The following CFAP47 variants were observed in gnomAD, a reference collection of about 807,000 sequenced individuals.
CFAP47 encodes cilia- and flagella-associated protein 47.
CFAP47 carries 29 observed loss-of-function variants against 148.1 expected under a neutral mutation model. That is an observed-to-expected ratio of 0.20 (90% CI 0.15 to 0.27). CFAP47 has a LOEUF of 0.27. Ranked by LOEUF, CFAP47 falls within the 10% of genes least tolerant of loss-of-function variation. The probability of loss-of-function intolerance (pLI) is 1.00; values close to 1 mark genes in which losing one functional copy is unlikely to be tolerated. For missense variants in CFAP47, 1,872 were observed against 1,697.5 expected (o/e 1.10, Z -1.81); for synonymous variants, 664 against 577.3 (o/e 1.15, Z -2.15).
At chrX:36,147,892 C>G (rs1939257452) in intron 36 of CFAP47, among the ~76,000 whole-genome samples, 1 of 112,117 alleles carries the variant, frequency 8.9e-6, no homozygotes, top group African/African-American at 3.2e-5. Context: ...TTTATTCACT[C>G]TAATTTGACC....
rs141109477 is a variant in CFAP47, at chrX:35,934,735, T to C, written c.402-6548T>C. On this transcript the variant is annotated intron_variant, in intron 2 of 63. Transcript: ENST00000378653. The stretch of plus-strand genomic sequence containing the variant: ...CCATGGCACACTACTTAGGTATCAC[T>C]GCAGGTTACTCAGGGCCCAAGGGCT... Among the ~76,000 whole-genome samples, 407 of 111,204 alleles carry C rather than the reference T, an allele frequency of 3.7e-3. 3 individuals carry two copies. The highest frequency in any genetic ancestry group is 0.013 in the African/African-American group (386 of 30,601).
At chrX:36,134,059 TAGA>T (rs1255923769) in intron 33 of CFAP47, among the ~76,000 whole-genome samples, 1 of 110,716 alleles carries the variant, frequency 9.0e-6, no homozygotes, top group Non-Finnish European at 1.9e-5. Flanking sequence ...CCATTTAACA[TAGA>T]AGAAATACTT....
intron 33 of CFAP47, among the ~76,000 whole-genome samples, chrX:36,109,466 G>A (rs1938518219): frequency 9.1e-6 from 1 of 110,485 alleles, no homozygotes; most frequent in Non-Finnish European, 1.9e-5. Context: ...GTTACTTTTC[G>A]ACTATATTTT....
At chrX:36,079,921 A>T (rs976537607) in intron 29 of CFAP47, among the ~76,000 whole-genome samples, 4 of 111,909 alleles carry the variant, frequency 3.6e-5, no homozygotes, top group Non-Finnish European at 7.5e-5. Context: ...AAGCCAAAAT[A>T]GACAAATGGG....
At chrX:35,986,163 T>C (rs1275732439) in intron 15 of CFAP47, among the ~76,000 whole-genome samples, 1 of 110,773 alleles carries the variant, frequency 9.0e-6, no homozygotes, top group African/African-American at 3.3e-5. Flanking sequence ...TCTTGCTAGG[T>C]TGGGGAAGTT....
chrX:36,177,506 A>G (rs1939699049), intron 39 of CFAP47, among the ~76,000 whole-genome samples: 1 of 112,123 alleles, frequency 8.9e-6, no homozygotes, highest in African/African-American at 3.2e-5. Flanking sequence ...AATGTAAATT[A>G]CTCTCTGGAG....
intron 22 of CFAP47, among the ~76,000 whole-genome samples, chrX:36,027,458 T>C (rs1937232563): frequency 9.0e-6 from 1 of 110,862 alleles, no homozygotes; most frequent in African/African-American, 3.3e-5. Context: ...TGTTTCTGAG[T>C]GATTGCATTG....
chrX:36,342,376 G>A (rs1009557464), intron 57 of CFAP47, among the ~76,000 whole-genome samples: 4 of 111,734 alleles, frequency 3.6e-5, no homozygotes, highest in Middle Eastern at 4.2e-3. Context: ...GTTCCCCCAC[G>A]CCAGTCTGCT....
At chrX:36,222,674 G>A (rs1476827204) in intron 45 of CFAP47, among the ~76,000 whole-genome samples, 4 of 109,354 alleles carry the variant, frequency 3.7e-5, no homozygotes, top group African/African-American at 1.3e-4. Flanking sequence ...TTTTTTAACT[G>A]CTGATTTCTT....
At chrX:36,296,990 C>T (rs1437254302) in intron 51 of CFAP47, among the ~76,000 whole-genome samples, 1 of 111,434 alleles carries the variant, frequency 9.0e-6, no homozygotes, top group African/African-American at 3.3e-5. Context: ...GAATATTTTG[C>T]TGTAGAAGTT....
At chrX:36,021,038 C>A (rs940923208) in intron 22 of CFAP47, among the ~76,000 whole-genome samples, 1 of 110,651 alleles carries the variant, frequency 9.0e-6, no homozygotes, top group African/African-American at 3.3e-5. Context: ...ATCTGATAAC[C>A]TTTCCTTTTA....
At chrX:36,008,702 G>A (rs1937007003) in intron 21 of CFAP47, among the ~76,000 whole-genome samples, 1 of 108,359 alleles carries the variant, frequency 9.2e-6, no homozygotes, top group Admixed American at 9.9e-5. Context: ...CCCAGGAGGA[G>A]GAGGCTGCAG....
At chrX:36,282,284 T>C (rs1440250079) in intron 50 of CFAP47, among the ~76,000 whole-genome samples, 1 of 111,128 alleles carries the variant, frequency 9.0e-6, no homozygotes, top group Non-Finnish European at 1.9e-5. Context: ...GTAGATGTGT[T>C]ATGTTAAAAG....
intron 26 of CFAP47, among the ~76,000 whole-genome samples, chrX:36,059,993 G>A (rs1042710973): frequency 1.8e-5 from 2 of 111,039 alleles, no homozygotes; most frequent in African/African-American, 6.6e-5. Flanking sequence ...CTCTCACCAT[G>A]TGATCTGTAC....
intron 26 of CFAP47, among the ~76,000 whole-genome samples, chrX:36,063,806 G>A (rs1168536485): frequency 9.0e-6 from 1 of 111,598 alleles, no homozygotes; most frequent in Admixed American, 9.6e-5. Context: ...AGTAGAAGAG[G>A]GAATTGATCA....
chrX:36,009,425 A>T (rs766881013), intron 21 of CFAP47, among the ~76,000 whole-genome samples: 1 of 112,043 alleles, frequency 8.9e-6, no homozygotes, highest in Non-Finnish European at 1.9e-5. Context: ...AATAAGATCA[A>T]GCAAAGTTGT....
chrX:36,160,836 G>A (rs1939420610), intron 39 of CFAP47, 67 bp downstream of exon 39: 1 of 245,487 alleles, frequency 4.1e-6, no homozygotes, highest in Admixed American at 7.2e-5. Flanking sequence ...AGACATATGT[G>A]ATTTTCTTTC....
chrX:36,111,592 A>G (rs964768150), intron 33 of CFAP47, among the ~76,000 whole-genome samples: 1 of 111,495 alleles, frequency 9.0e-6, no homozygotes, highest in African/African-American at 3.3e-5. Flanking sequence ...TGTCTCTGCC[A>G]GGCTTGGTAT....
intron 8 of CFAP47, among the ~76,000 whole-genome samples, chrX:35,962,926 GGTGTGT>G (rs59734260): frequency 0.021 from 1,950 of 90,712 alleles, 40 homozygotes; most frequent in African/African-American, 0.059. Flanking sequence ...AATAAAATGT[GGTGTGT>G]GTGTGTGTGT....
Sources: gnomAD v4.1 joint callset for allele counts (sites outside exome capture counted in the v4.1 genomes callset) on GRCh38, gnomAD v4.1.1 for gene constraint, MANE v1.5 for transcripts, NCBI Gene and HGNC (gene_info 2026-07-23, HGNC 2026-07-21) for gene names.